Variants in CCDC106 observed in about 807,000 individuals in gnomAD.
CCDC106 encodes the protein coiled-coil domain containing 106.
Under a neutral mutation model 24.7 loss-of-function variants are expected in CCDC106, and 17 were observed. The ratio of observed to expected loss-of-function variants is 0.69; its 90% CI spans 0.47 to 1.03. The LOEUF (loss-of-function observed/expected upper bound fraction) is 1.03, where lower values mean the gene tolerates loss of function less well. Among genes scored for constraint, CCDC106 ranks in the 50% least tolerant of loss-of-function variants. The pLI is 0.00. For missense variants in CCDC106, 337 were observed against 388.9 expected, an observed-to-expected ratio of 0.87 and a Z score of 1.12; for synonymous variants, 211 against 161.3, an observed-to-expected ratio of 1.31 and a Z score of -2.34.
In CCDC106 at chr19:55,652,862, G is replaced by A. The variant is rs1355318960; in HGVS notation, c.*116G>A. 3.2e-6 allele frequency: 3 copies of A among 949,902 alleles called. No individual in the cohort carries two copies. The South Asian group carries it at 4.9e-5, about 16-fold the overall frequency. The allele number at this position is 949,902 out of a possible 1,614,324, so 58.8% of individuals were successfully genotyped here. The stretch of plus-strand genomic sequence containing the variant: ...CTCCTCCTCGCTCCCTGGGTTGGGG[G>A]CTCCCTTAGCCGGGCCCCCAAGCGC... On this transcript the variant is annotated 3_prime_UTR_variant, in exon 5 of 5. Coordinates refer to ENST00000586790, the MANE Select transcript of CCDC106 (RefSeq NM_001370470.1). This position sits in a 1 kb window ranked among gnomAD's most constrained non-coding sequence, Gnocchi z 5.9.
At chr19:55,651,164 C>G (rs1200716338) in intron 3 of CCDC106, 119 bp from the exon 4 acceptor site, 1 of 787,602 alleles carries the variant, frequency 1.3e-6, no homozygotes, top group Non-Finnish European at 2.2e-6. Context: ...CTCTCTGTCT[C>G]TTTAGGGGAC....
In CCDC106 at chr19:55,649,595, G is replaced by A. The variant is rs944849948; in HGVS notation, c.313+11G>A. ...CTCGGATGGAGGCAGGTGTGTGTGG[G>A]GTGCTCTGATCCACATGCCTCCCTG... On this transcript the variant is annotated intron_variant, in intron 3 of 4. Coordinates refer to ENST00000586790, the MANE Select transcript of CCDC106 (RefSeq NM_001370470.1). 23 of 1,611,402 alleles carry A rather than the reference G, an allele frequency of 1.4e-5. No individual in the cohort carries two copies. Among genetic ancestry groups the A allele is most frequent in the Admixed American group, 3.3e-5 (2 of 59,884 alleles).
intron 3 of CCDC106, 176 bp downstream of exon 3, chr19:55,649,760 CA>C (rs921944883): frequency 8.0e-5 from 49 of 616,224 alleles, no homozygotes; most frequent in African/African-American, 7.8e-4. Flanking sequence ...CACTTGATTC[CA>C]GGGCCTCATC....
At chr19:55,650,760 T>C (rs1370976214) in intron 3 of CCDC106, among the ~76,000 whole-genome samples, 1 of 152,164 alleles carries the variant, frequency 6.6e-6, no homozygotes, top group African/African-American at 2.4e-5. Context: ...GTGGGGACCC[T>C]GGCACCAGAG....
In CCDC106 at chr19:55,652,584, C is replaced by T; in HGVS notation, c.681C>T (p.Pro227=). Residue 227 remains proline (P), a synonymous_variant, in exon 5 of 5, where the codon CCC becomes CCT. Transcript: ENST00000586790. This position sits in a 1 kb window ranked among gnomAD's most constrained non-coding sequence, Gnocchi z 5.9. ...TPIAELLIVA[P]EKLAEVGEFD... The stretch of plus-strand genomic sequence containing the variant: ...TCGCCGAGCTGCTCATTGTGGCCCC[C>T]GAGAAGCTGGCCGAGGTGGGCGAGT... 2.5e-6 allele frequency: 4 copies of T among 1,613,424 alleles called. No homozygotes were observed. The highest frequency in any genetic ancestry group is 2.5e-6 in the Non-Finnish European group (3 of 1,179,922).
chr19:55,651,171 G>C, intron 3 of CCDC106, 112 bp from the exon 4 acceptor site: 3 of 827,398 alleles, frequency 3.6e-6, no homozygotes, highest in Non-Finnish European at 6.2e-6. Flanking sequence ...TCTCTTTAGG[G>C]GACCAGCCCA....
Position 55,651,412 on chromosome 19 carries a change from C to T in CCDC106, c.443C>T (p.Ala148Val), listed in dbSNP as rs1471899520. 1.9e-6 allele frequency: 3 copies of T among 1,608,820 alleles called. No homozygotes were observed. The South Asian group carries it at 3.3e-5, about 18-fold the overall frequency. Residue 148 changes from alanine to valine, a missense_variant, in exon 4 of 5, where the codon GCC (alanine) becomes GTC (valine). By Grantham distance (64) the Ala-to-Val change is moderately conservative (BLOSUM62 0). This residue lies in a region of CCDC106 where 234 missense variants were observed against 236.5 expected (regional missense o/e 0.99). Coordinates refer to ENST00000586790, the MANE Select transcript of CCDC106 (RefSeq NM_001370470.1). ...AGCGGAGCGTCCGAAGAAGGCAGCG[C>T]CAGTGAGAGGAGGCGGCAGAAGCAG... Reference protein sequence around the residue: ...SLSGASEEGSASERRRQKQKG... With the variant: ...SLSGASEEGSVSERRRQKQKG...
chr19:55,650,738 G>A (rs1041305263), intron 3 of CCDC106, among the ~76,000 whole-genome samples: 2 of 152,116 alleles, frequency 1.3e-5, no homozygotes, highest in South Asian at 2.1e-4. Context: ...CTGCGGCTTC[G>A]GCACTTTCCC....
rs370307046 is a variant in CCDC106, at chr19:55,649,014, C to T, written c.-33C>T. The T allele has an allele frequency of 8.7e-6, 14 of 1,611,502 alleles. No individual in the cohort carries two copies. The highest frequency in any genetic ancestry group is 1.2e-5 in the Non-Finnish European group (14 of 1,179,152). Reference sequence around the variant, plus strand: ...CGTTTCTGTCCAGTGCCCCTGAGGCCCTCGGCTGCTGGGGTCCGTAGGAAG... The same window carrying T: ...CGTTTCTGTCCAGTGCCCCTGAGGCTCTCGGCTGCTGGGGTCCGTAGGAAG... On this transcript the variant is annotated 5_prime_UTR_variant, in exon 1 of 5. Coordinates refer to ENST00000586790, the MANE Select transcript of CCDC106 (RefSeq NM_001370470.1).
chr19:55,651,745 T>C (rs1316302593), intron 4 of CCDC106, among the ~76,000 whole-genome samples: 1 of 151,848 alleles, frequency 6.6e-6, no homozygotes, highest in Admixed American at 6.6e-5. Flanking sequence ...CACTGGAATC[T>C]CCGCCTCCCG....
At chr19:55,649,825 A>G (rs1353748329) in intron 3 of CCDC106, among the ~76,000 whole-genome samples, 1 of 151,886 alleles carries the variant, frequency 6.6e-6, no homozygotes, top group African/African-American at 2.4e-5. Context: ...CAGCTCCCCA[A>G]ATCCCATCAG....
rs201475292 is a variant in CCDC106, at chr19:55,651,273, A to G, written c.314-10A>G. On this transcript the variant is annotated splice_polypyrimidine_tract_variant and intron_variant, in intron 3 of 4. Coordinates refer to ENST00000586790, the MANE Select transcript of CCDC106 (RefSeq NM_001370470.1). The stretch of plus-strand genomic sequence containing the variant: ...TCCCTTGGTTCATGTGTGTGTCTCC[A>G]TCTCCCCAGAGGACCACTGCCGGAT... 1.5e-5 allele frequency: 24 copies of G among 1,602,888 alleles called. No individual in the cohort carries two copies. In the East Asian group the frequency reaches 5.1e-4, roughly 34 times the overall value.
At chr19:55,649,903 C>T (rs945703258) in intron 3 of CCDC106, among the ~76,000 whole-genome samples, 2 of 152,148 alleles carry the variant, frequency 1.3e-5, no homozygotes, top group African/African-American at 2.4e-5. Flanking sequence ...CCTGAGAGCC[C>T]CTCTCTTCTG....
Position 55,648,753 on chromosome 19 carries a change from C to A in CCDC106, c.-294C>A. The A allele has an allele frequency of 1.9e-6, 1 of 521,240 alleles. No homozygotes were observed. The highest frequency in any genetic ancestry group is 2.7e-5 in the South Asian group (1 of 37,456). 32.3% of individuals were successfully genotyped at this position (521,240 alleles called of 1,614,324 possible). A position where few individuals can be genotyped will look rare whatever the true frequency, so the allele number is the denominator to read the frequency against. On this transcript the variant is annotated 5_prime_UTR_variant, in exon 1 of 5. Coordinates refer to ENST00000586790, the MANE Select transcript of CCDC106 (RefSeq NM_001370470.1). ...GCTTCAGCTTCCTTTTCCTTCGATACCCAGGAGCCCACGTCCCCAGCTCAC... is the reference window on the plus strand; with the variant it reads ...GCTTCAGCTTCCTTTTCCTTCGATAACCAGGAGCCCACGTCCCCAGCTCAC...
At chr19:55,649,386 C>A (rs376647319) in intron 2 of CCDC106, 22 bp from the exon 3 acceptor site, 14 of 1,613,806 alleles carry the variant, frequency 8.7e-6, no homozygotes, top group Non-Finnish European at 1.1e-5. Context: ...ACCTGGTCCC[C>A]CCACCCTCGC....
Position 55,648,566 on chromosome 19 carries a change from C to A in CCDC106, c.-481C>A, listed in dbSNP as rs1395254250. On this transcript the variant is annotated 5_prime_UTR_variant, in exon 1 of 5. Coordinates refer to ENST00000586790, the MANE Select transcript of CCDC106 (RefSeq NM_001370470.1). ...GGCCCCGAAGGTAGAGGAGGCAGCG[C>A]GCACGGGCTGGACCTCCTCCTACCC... 1.2e-5 allele frequency: 2 copies of A among 163,044 alleles called. No homozygotes were observed. The highest frequency in any genetic ancestry group is 1.3e-5 in the Non-Finnish European group (1 of 74,390). 10.1% of individuals were successfully genotyped at this position (163,044 alleles called of 1,614,324 possible).
chr19:55,651,726 T>A (rs1419015106), intron 4 of CCDC106, among the ~76,000 whole-genome samples: 1 of 151,798 alleles, frequency 6.6e-6, no homozygotes, highest in African/African-American at 2.4e-5. Context: ...CAGTGGCGCA[T>A]TCTCACCTCA....
chr19:55,649,248 G>A lies in CCDC106; in HGVS notation c.75G>A (p.Glu25=). ...TCGAGATCTCCATTCCCTTCGATGAGGCACCCCACCTAGACCCACAGATCT... is the reference window on the plus strand; with the variant it reads ...TCGAGATCTCCATTCCCTTCGATGAAGCACCCCACCTAGACCCACAGATCT... The part of the protein sequence containing the change: ...ETFEISIPFD[E]APHLDPQIFY... The change falls in exon 2 of 5, where the codon GAG becomes GAA. Residue 25 remains glutamate (E), a synonymous_variant. Transcript: ENST00000586790. 4 of 1,614,124 alleles carry A rather than the reference G, an allele frequency of 2.5e-6. No individual in the cohort carries two copies. Among genetic ancestry groups the A allele is most frequent in the Middle Eastern group, 3.3e-4 (2 of 6,062 alleles).
At chr19:55,650,998 C>G (rs1032429352) in intron 3 of CCDC106, among the ~76,000 whole-genome samples, 1 of 152,160 alleles carries the variant, frequency 6.6e-6, no homozygotes, top group Non-Finnish European at 1.5e-5. Context: ...CTATGGGAAC[C>G]GCGCATAGTC....
Sources: allele counts gnomAD v4.1 joint callset (sites outside exome capture counted in the v4.1 genomes callset), GRCh38; gene constraint gnomAD v4.1.1; regional missense constraint gnomAD v4.1.1; non-coding constraint Gnocchi (gnomAD v3.1); transcripts MANE v1.5; gene names NCBI Gene and HGNC (gene_info 2026-07-23, HGNC 2026-07-21).